The following TMEM108 variants were observed in gnomAD, a reference collection of about 807,000 sequenced individuals.
TMEM108 encodes the protein transmembrane protein 108, also known as cancer/testis antigen 124.
Under a neutral mutation model 35.1 loss-of-function variants are expected in TMEM108, and 12 were observed. The ratio of observed to expected loss-of-function variants is 0.34; its 90% CI spans 0.22 to 0.55. TMEM108 has a LOEUF of 0.55. Ranked by LOEUF, TMEM108 falls within the 20% of genes least tolerant of loss-of-function variation. The probability of loss-of-function intolerance (pLI) is 0.89; values close to 1 mark genes in which losing one functional copy is unlikely to be tolerated. For missense variants in TMEM108, 680 were observed against 753.3 expected (o/e 0.90, Z 1.14); for synonymous variants, 287 against 308.6 (o/e 0.93, Z 0.73).
chr3:133,200,288 CAACAAGCCCCA>C (rs1945643820), intron 2 of TMEM108, among the ~76,000 whole-genome samples: 1 of 152,140 alleles, frequency 6.6e-6, no homozygotes, highest in South Asian at 2.1e-4. Context: ...ACCCACCGTC[CAACAAGCCCCA>C]GTGAGATGAA....
chr3:133,383,687 G>A (rs995707611), intron 4 of TMEM108, among the ~76,000 whole-genome samples: 5 of 152,338 alleles, frequency 3.3e-5, no homozygotes, highest in Middle Eastern at 3.4e-3. Flanking sequence ...GCCAAGACAG[G>A]AGGAAGGACA....
intron 3 of TMEM108, among the ~76,000 whole-genome samples, chr3:133,336,604 C>T (rs1387793616): frequency 6.6e-6 from 1 of 152,040 alleles, no homozygotes; most frequent in Non-Finnish European, 1.5e-5. Flanking sequence ...TCAAGTGAGA[C>T]TCAGCACATT....
At chr3:133,159,562 C>T (rs1576351848) in intron 2 of TMEM108, among the ~76,000 whole-genome samples, 1 of 152,064 alleles carries the variant, frequency 6.6e-6, no homozygotes, top group East Asian at 1.9e-4. Flanking sequence ...TTTAAGAAGC[C>T]CACTATGATG....
chr3:133,077,100 A>G (rs1430048891), intron 2 of TMEM108, among the ~76,000 whole-genome samples: 1 of 152,330 alleles, frequency 6.6e-6, no homozygotes, highest in East Asian at 1.9e-4. Context: ...GTTGTTTCTC[A>G]TTCTTTGTCT....
intron 3 of TMEM108, among the ~76,000 whole-genome samples, chr3:133,331,307 G>A (rs1167776260): frequency 6.6e-6 from 1 of 152,130 alleles, no homozygotes; most frequent in East Asian, 1.9e-4. Flanking sequence ...TATTTGTAAT[G>A]AAAAAATGCT....
chr3:133,278,711 A>G (rs553735904), intron 3 of TMEM108, among the ~76,000 whole-genome samples: 1 of 152,374 alleles, frequency 6.6e-6, no homozygotes, highest in East Asian at 1.9e-4. Flanking sequence ...ACCATCATAT[A>G]TCAGTCCTTC....
chr3:133,054,018 TG>T (rs1395779033), intron 2 of TMEM108, among the ~76,000 whole-genome samples: 6 of 152,302 alleles, frequency 3.9e-5, no homozygotes, highest in East Asian at 1.9e-4. Flanking sequence ...TAAGGGTATT[TG>T]CTTTAGTAAG....
In TMEM108 at chr3:133,342,555, T is replaced by TATATATATATATATACAC. The variant is rs60991711; in HGVS notation, c.41-37196_41-37195insTATATATATATATACACA. Among the ~76,000 whole-genome samples the TATATATATATATATACAC allele has an allele frequency of 1.4e-4, 9 of 63,446 alleles. 1 individual carries two copies. Among genetic ancestry groups the TATATATATATATATACAC allele is most frequent in the African/African-American group, 2.6e-4 (5 of 19,438 alleles). 41.6% of individuals were successfully genotyped at this position (63,446 alleles called of 152,430 possible). A position where few individuals can be genotyped will look rare whatever the true frequency, so the allele number is the denominator to read the frequency against. On this transcript the variant is annotated intron_variant, in intron 3 of 5. Transcript: ENST00000321871. ...AAAAAGAAAATGTGGTATATATATA[T>TATATATATATATATACAC]ACACACACACACACAATGGAGTACT...
chr3:133,299,511 G>T lies in TMEM108; in HGVS notation c.40+70160G>T, dbSNP rs554014438. On this transcript the variant is annotated intron_variant, in intron 3 of 5. Transcript: ENST00000321871. Reference sequence around the variant, plus strand: ...GCATAGGTTTTCCCTTCTGCAGTACGTTTATATAGAAGATGACTTGGAGCA... The same window carrying T: ...GCATAGGTTTTCCCTTCTGCAGTACTTTTATATAGAAGATGACTTGGAGCA... Among the ~76,000 whole-genome samples, 5 of 152,232 alleles carry T rather than the reference G, an allele frequency of 3.3e-5. No homozygotes were observed. In the South Asian group the frequency reaches 1.0e-3, roughly 32 times the overall value.
At chr3:133,150,383 A>G (rs1361031944) in intron 2 of TMEM108, among the ~76,000 whole-genome samples, 1 of 48,790 alleles carries the variant, frequency 2.0e-5, no homozygotes, top group African/African-American at 9.6e-5. Context: ...TGAATTTCTT[A>G]TATATTTCGG....
chr3:133,181,017 A>C (rs1351464840), intron 2 of TMEM108, among the ~76,000 whole-genome samples: 11 of 78,488 alleles, frequency 1.4e-4, no homozygotes, highest in Non-Finnish European at 2.4e-4. Context: ...TTAAAAAAAA[A>C]AAAAAAAAAA....
intron 3 of TMEM108, among the ~76,000 whole-genome samples, chr3:133,289,432 C>T (rs2107694020): frequency 6.6e-6 from 1 of 152,302 alleles, no homozygotes; most frequent in Middle Eastern, 3.4e-3. Flanking sequence ...GGAAGCACAG[C>T]AGTACTCGAC....
intron 3 of TMEM108, among the ~76,000 whole-genome samples, chr3:133,369,910 G>A (rs906546489): frequency 1.3e-5 from 2 of 152,190 alleles, no homozygotes; most frequent in African/African-American, 4.8e-5. Flanking sequence ...CCACGGGGTA[G>A]CCTTCACATT....
At chr3:133,096,458 G>A (rs546280735) in intron 2 of TMEM108, among the ~76,000 whole-genome samples, 1 of 152,306 alleles carries the variant, frequency 6.6e-6, no homozygotes, top group East Asian at 1.9e-4. Flanking sequence ...GTGCTCAGTA[G>A]TTGTGGTATT....
At chr3:133,265,349 C>T (rs1300418580) in intron 3 of TMEM108, among the ~76,000 whole-genome samples, 1 of 152,132 alleles carries the variant, frequency 6.6e-6, no homozygotes, top group African/African-American at 2.4e-5. Context: ...TCCTTGAGCT[C>T]CCAACCTGTT....
intron 2 of TMEM108, among the ~76,000 whole-genome samples, chr3:133,135,571 G>T (rs1174058718): frequency 6.6e-6 from 1 of 152,134 alleles, no homozygotes; most frequent in Non-Finnish European, 1.5e-5. Flanking sequence ...CAGGGAATTG[G>T]GGGAGGTTTT....
At chr3:133,333,614 A>C (rs887176947) in intron 3 of TMEM108, among the ~76,000 whole-genome samples, 3 of 152,242 alleles carry the variant, frequency 2.0e-5, no homozygotes, top group African/African-American at 7.2e-5. Flanking sequence ...TTATTAACAG[A>C]GAGAAAAGAG....
At chr3:133,119,406 A>G (rs899811294) in intron 2 of TMEM108, 6 of 152,200 alleles carry the variant, frequency 3.9e-5, no homozygotes, top group African/African-American at 1.4e-4. Context: ...AAATAAATCC[A>G]GATGTAGTTG....
rs1453453373 is a variant in TMEM108 at position 133,379,992 on chromosome 3, C to T, written c.281C>T (p.Thr94Met). Residue 94 changes from threonine (T) to methionine (M), a missense_variant, in exon 4 of 6, where the codon ACG becomes ATG. Around this residue, in one of 3 missense-constraint regions of TMEM108, gnomAD observed 526 missense variants for 532.1 expected, o/e 0.99. Coordinates refer to ENST00000321871, the MANE Select transcript of TMEM108 (RefSeq NM_023943.4). Reference sequence around the variant, plus strand: ...CCCCGTGCAGAGGGGCACCCTCCTACGCACACCATCTCCACCATCGCTGCG... The same window carrying T: ...CCCCGTGCAGAGGGGCACCCTCCTATGCACACCATCTCCACCATCGCTGCG... ...PTPRAEGHPPTHTISTIAATV... is the reference protein window; with the variant it reads ...PTPRAEGHPPMHTISTIAATV... 8.7e-6 allele frequency: 14 copies of T among 1,614,030 alleles called. No individual in the cohort carries two copies. The highest frequency in any genetic ancestry group is 5.5e-5 in the South Asian group (5 of 91,074).
Sources: gnomAD v4.1 joint callset for allele counts (sites outside exome capture counted in the v4.1 genomes callset) on GRCh38, gnomAD v4.1.1 for gene constraint, gnomAD v4.1.1 regional missense constraint, MANE v1.5 for transcripts, NCBI Gene and HGNC (gene_info 2026-07-23, HGNC 2026-07-21) for gene names.